LRP1B: variants seen among roughly 807,000 people sequenced by gnomAD.
LRP1B encodes the protein low-density lipoprotein receptor-related protein 1B.
In LRP1B, 217 loss-of-function variants were observed where a neutral mutation model predicts 556.6. The ratio of observed to expected loss-of-function variants is 0.39; its 90% CI spans 0.35 to 0.44. The LOEUF (loss-of-function observed/expected upper bound fraction) is 0.44. Ranked by LOEUF, LRP1B falls within the 20% of genes least tolerant of loss-of-function variation. The probability of loss-of-function intolerance (pLI) is 1.00; values close to 1 mark genes in which losing one functional copy is unlikely to be tolerated. For synonymous variants in LRP1B, 2,047 were observed against 1,865.8 expected (o/e 1.10, Z -2.50); for missense variants, 5,053 against 5,620.8 (o/e 0.90, Z 3.23).
chr2:141,693,437 G>A (rs78219611), intron 2 of LRP1B, among the ~76,000 whole-genome samples: 6,249 of 151,976 alleles, frequency 0.041, 176 homozygotes, highest in East Asian at 0.094. Flanking sequence ...TTAATGTTAT[G>A]CATTATAAAA....
At chr2:140,564,144 A>C (rs1681040758) in intron 43 of LRP1B, among the ~76,000 whole-genome samples, 1 of 152,184 alleles carries the variant, frequency 6.6e-6, no homozygotes, top group Admixed American at 6.5e-5. Context: ...GGGTAATGGA[A>C]GATTTAATTA....
chr2:141,810,368 C>A lies in LRP1B; in HGVS notation c.116G>T (p.Cys39Phe). The A allele has an allele frequency of 6.2e-7, 1 of 1,612,828 alleles. No individual in the cohort carries two copies. The highest frequency in any genetic ancestry group is 8.5e-7 in the Non-Finnish European group (1 of 1,179,352). The change falls in exon 2 of 91, where the codon TGC becomes TTC. Residue 39 changes from cysteine to phenylalanine, a missense_variant. Cys to Phe is a radical substitution (Grantham distance 205, BLOSUM62 -2). Coordinates refer to ENST00000389484, the MANE Select transcript of LRP1B (RefSeq NM_018557.3). ...QQLCDPGEFL[C>F]HDHVTCVSQS... Reference sequence around the variant, plus strand: ...GGAGACACAAGTCACGTGATCGTGGCAAAGAAATTCACCAGGATCACACAA... The same window carrying A: ...GGAGACACAAGTCACGTGATCGTGGAAAAGAAATTCACCAGGATCACACAA...
chr2:141,276,372 G>A (rs1262249947), intron 3 of LRP1B, among the ~76,000 whole-genome samples: 1 of 151,772 alleles, frequency 6.6e-6, no homozygotes, highest in Non-Finnish European at 1.5e-5. Flanking sequence ...CTGGGGTTTG[G>A]TGTATAGATT....
At chr2:141,841,392 G>A (rs1270506313) in intron 1 of LRP1B, among the ~76,000 whole-genome samples, 2 of 152,130 alleles carry the variant, frequency 1.3e-5, no homozygotes, top group Non-Finnish European at 2.9e-5. Flanking sequence ...CATAATGGAT[G>A]TATTTACATT....
chr2:140,880,190 A>T (rs1030108073), intron 25 of LRP1B, among the ~76,000 whole-genome samples: 3 of 152,164 alleles, frequency 2.0e-5, no homozygotes, highest in Non-Finnish European at 4.4e-5. Context: ...ATTATGACAA[A>T]GGAAAACTAA....
At chr2:141,224,991 A>G (rs1016585612) in intron 6 of LRP1B, among the ~76,000 whole-genome samples, 4 of 152,156 alleles carry the variant, frequency 2.6e-5, no homozygotes, top group African/African-American at 9.7e-5. Context: ...TTAAAAATAA[A>G]AGATAAAAAA....
chr2:142,105,101 G>C (rs541376471), intron 1 of LRP1B, among the ~76,000 whole-genome samples: 39 of 152,250 alleles, frequency 2.6e-4, no homozygotes, highest in Middle Eastern at 3.4e-3. Flanking sequence ...GTGCATCATT[G>C]GCTGAGGTGC....
chr2:140,640,944 C>T lies in LRP1B; in HGVS notation c.6800-39305G>A, dbSNP rs572266950. Among the ~76,000 whole-genome samples the T allele has an allele frequency of 1.1e-4, 16 of 152,222 alleles. 1 individual carries two copies. In the South Asian group the frequency reaches 3.3e-3, roughly 32 times the overall value. ...CTTCTGTGACCATGAATTACCATGG[C>T]CACATATTATGGATAGAACATGTGT... On this transcript the variant is annotated intron_variant, in intron 41 of 90. Coordinates refer to ENST00000389484, the MANE Select transcript of LRP1B (RefSeq NM_018557.3).
At chr2:141,456,907 A>T (rs924507317) in intron 3 of LRP1B, among the ~76,000 whole-genome samples, 7 of 152,252 alleles carry the variant, frequency 4.6e-5, no homozygotes, top group African/African-American at 1.7e-4. Context: ...TAGGGAACTT[A>T]TGCTGTCTTT....
chr2:140,785,148 T>C (rs1235230283), intron 32 of LRP1B, among the ~76,000 whole-genome samples: 3 of 152,154 alleles, frequency 2.0e-5, no homozygotes, highest in Non-Finnish European at 4.4e-5. Flanking sequence ...AAGACAAGAA[T>C]GTCTGAAAAG....
intron 3 of LRP1B, among the ~76,000 whole-genome samples, chr2:141,463,601 T>TATA (rs1330677212): frequency 1.4e-3 from 141 of 97,952 alleles, no homozygotes; most frequent in Middle Eastern, 9.5e-3. Context: ...ATATATATTA[T>TATA]ATATTATATA....
intron 31 of LRP1B, among the ~76,000 whole-genome samples, chr2:140,828,834 A>AT (rs1463642168): frequency 6.7e-6 from 1 of 149,992 alleles, no homozygotes; most frequent in Non-Finnish European, 1.5e-5. Context: ...CAGCTGAATA[A>AT]TTTTTTTATT....
intron 36 of LRP1B, 145 bp downstream of exon 36, chr2:140,716,537 C>T (rs1687216201): frequency 1.3e-6 from 1 of 742,644 alleles, no homozygotes; most frequent in Non-Finnish European, 2.0e-6. Flanking sequence ...AGGAGCGAAG[C>T]CAAAAGCAAA....
chr2:141,070,385 G>A (rs1454609252), intron 7 of LRP1B, among the ~76,000 whole-genome samples: 1 of 150,818 alleles, frequency 6.6e-6, no homozygotes, highest in Non-Finnish European at 1.5e-5. Context: ...AGCACTAAAT[G>A]CCCACAAGAG....
intron 59 of LRP1B, among the ~76,000 whole-genome samples, chr2:140,484,467 A>G (rs1688383544): frequency 6.6e-6 from 1 of 152,162 alleles, no homozygotes; most frequent in Non-Finnish European, 1.5e-5. Flanking sequence ...AATTTGGAGT[A>G]CCAAAGTTAT....
At chr2:141,212,775 A>G (rs970512421) in intron 6 of LRP1B, among the ~76,000 whole-genome samples, 1 of 152,164 alleles carries the variant, frequency 6.6e-6, no homozygotes, top group Non-Finnish European at 1.5e-5. Context: ...CTTATATAAA[A>G]TGGTGTAGTA....
intron 2 of LRP1B, among the ~76,000 whole-genome samples, chr2:141,510,583 A>C (rs950203898): frequency 2.0e-5 from 3 of 152,046 alleles, no homozygotes; most frequent in African/African-American, 7.2e-5. Flanking sequence ...GTAAAATCTA[A>C]AGTCCTTCCC....
chr2:141,389,079 T>A (rs1689951752), intron 3 of LRP1B, among the ~76,000 whole-genome samples: 1 of 152,126 alleles, frequency 6.6e-6, no homozygotes, highest in Admixed American at 6.5e-5. Context: ...AGATTCAGTG[T>A]TAGCCTATTA....
chr2:141,633,061 A>G (rs180744496), intron 2 of LRP1B, among the ~76,000 whole-genome samples: 34 of 152,236 alleles, frequency 2.2e-4, no homozygotes, highest in African/African-American at 7.7e-4. Flanking sequence ...AAATTCGGAA[A>G]TTTCCACCTG....
Sources: allele counts gnomAD v4.1 joint callset (sites outside exome capture counted in the v4.1 genomes callset), GRCh38; gene constraint gnomAD v4.1.1; transcripts MANE v1.5; gene names NCBI Gene and HGNC (gene_info 2026-07-23, HGNC 2026-07-21).